MAP2: variants seen among roughly 807,000 people sequenced by gnomAD.
MAP2 encodes microtubule associated protein 2.
In MAP2, 14 loss-of-function variants were observed where a neutral mutation model predicts 137.6. That is an observed-to-expected ratio of 0.10 (90% CI 0.07 to 0.16). MAP2 has a LOEUF of 0.16. MAP2 is among the 10% of genes least tolerant of loss of function. The probability of loss-of-function intolerance (pLI) is 1.00; values close to 1 mark genes in which losing one functional copy is unlikely to be tolerated. For missense variants in MAP2, 2,088 were observed against 2,191.5 expected, an observed-to-expected ratio of 0.95 and a Z score of 0.94; for synonymous variants, 786 against 782.3, an observed-to-expected ratio of 1.00 and a Z score of -0.08.
chr2:209,704,770 C>A, intron 11 of MAP2: 1 of 619,584 alleles, frequency 1.6e-6, no homozygotes, highest in Non-Finnish European at 2.4e-6. Flanking sequence ...AAAACAAATA[C>A]AAATTTAAAA....
intron 2 of MAP2, among the ~76,000 whole-genome samples, chr2:209,536,767 A>G (rs769999599): frequency 5.0e-4 from 76 of 152,164 alleles, no homozygotes; most frequent in Non-Finnish European, 9.3e-4. Context: ...TTAAAATATG[A>G]TAGTATTTTT....
Position 209,733,597 on chromosome 2 carries a change from A to C in MAP2, c.*3200A>C, listed in dbSNP as rs1477664624. ...ATGTGGTTGATTTTGACATAGCTGC[A>C]ATTACAGTTTTCTTCTATTTTTCAA... On this transcript the variant is annotated 3_prime_UTR_variant, in exon 16 of 16. Transcript: ENST00000682079. 2 of 152,168 alleles carry C rather than the reference A, an allele frequency of 1.3e-5. No individual in the cohort carries two copies. The highest frequency in any genetic ancestry group is 2.9e-5 in the Non-Finnish European group (2 of 68,038). The allele number at this position is 152,168 out of a possible 1,614,324, so 9.4% of individuals were successfully genotyped here.
At chr2:209,621,257 A>ATTTTTTT (rs1186032597) in intron 3 of MAP2, among the ~76,000 whole-genome samples, 6 of 125,124 alleles carry the variant, frequency 4.8e-5, no homozygotes, top group African/African-American at 1.6e-4. Flanking sequence ...AGGCATCTTG[A>ATTTTTTT]TTTTTTTTTT....
chr2:209,509,770 G>C (rs1222816704), intron 2 of MAP2, among the ~76,000 whole-genome samples: 2 of 151,796 alleles, frequency 1.3e-5, no homozygotes, highest in African/African-American at 2.4e-5. Context: ...AACTAGTGTT[G>C]CCAGATAAAA....
chr2:209,512,626 G>A (rs1026076693), intron 2 of MAP2, among the ~76,000 whole-genome samples: 2 of 149,810 alleles, frequency 1.3e-5, no homozygotes, highest in Non-Finnish European at 3.0e-5. Context: ...TAAAATGTAT[G>A]ATATATATAA....
At chr2:209,718,365 A>G (rs2068644297) in intron 13 of MAP2, among the ~76,000 whole-genome samples, 1 of 152,162 alleles carries the variant, frequency 6.6e-6, no homozygotes, top group Non-Finnish European at 1.5e-5. Context: ...TATTCCTTAG[A>G]ATTTCTTAAA....
chr2:209,698,238 A>G (rs2153729728), intron 10 of MAP2, among the ~76,000 whole-genome samples: 1 of 152,314 alleles, frequency 6.6e-6, no homozygotes, highest in East Asian at 1.9e-4. Flanking sequence ...GTTGGAAACC[A>G]TCATAAAAAC....
At chr2:209,490,604 G>GAA (rs2058966518) in intron 1 of MAP2, among the ~76,000 whole-genome samples, 2 of 1,686 alleles carry the variant, frequency 1.2e-3, no homozygotes, top group African/African-American at 2.2e-3. Flanking sequence ...CAAATGGAAA[G>GAA]CAAAAAAAAA....
At chr2:209,484,288 A>T (rs988584388) in intron 1 of MAP2, among the ~76,000 whole-genome samples, 1 of 152,110 alleles carries the variant, frequency 6.6e-6, no homozygotes, top group Non-Finnish European at 1.5e-5. Context: ...AGTGGTTTAT[A>T]TTTTATTATC....
intron 3 of MAP2, among the ~76,000 whole-genome samples, chr2:209,614,043 C>G (rs1209877179): frequency 6.6e-6 from 1 of 152,118 alleles, no homozygotes; most frequent in Non-Finnish European, 1.5e-5. Context: ...CTACTAGGAG[C>G]TTTAGATGAA....
At chr2:209,726,700 G>A (rs1365476045) in intron 14 of MAP2, among the ~76,000 whole-genome samples, 1 of 152,150 alleles carries the variant, frequency 6.6e-6, no homozygotes, top group Non-Finnish European at 1.5e-5. Flanking sequence ...GGAGTTAGAG[G>A]CTGCAGCAAG....
chr2:209,564,824 A>C (rs2073050139), intron 2 of MAP2, among the ~76,000 whole-genome samples: 1 of 151,552 alleles, frequency 6.6e-6, no homozygotes, highest in Non-Finnish European at 1.5e-5. Context: ...TTCATTTCTG[A>C]GCTCCACTTC....
chr2:209,726,077 A>G lies in MAP2; in HGVS notation c.5155+287A>G, dbSNP rs145783886. 1.5e-3 allele frequency among the ~76,000 whole-genome samples: 224 copies of G among 152,338 alleles called. 1 individual carries two copies. The highest frequency in any genetic ancestry group is 2.4e-3 in the Non-Finnish European group (166 of 68,038). ...ACGCTTATTGGAGCTCCTTTGAAAT[A>G]CGTAGTCTATAAAATACATCAGATC... On this transcript the variant is annotated intron_variant, in intron 14 of 15. Coordinates refer to ENST00000682079, the MANE Select transcript of MAP2 (RefSeq NM_001375505.1).
intron 1 of MAP2, among the ~76,000 whole-genome samples, chr2:209,458,855 T>G (rs1702122540): frequency 6.6e-6 from 1 of 152,128 alleles, no homozygotes; most frequent in South Asian, 2.1e-4. Flanking sequence ...GTGTAAGTGC[T>G]CTAAGCTCTC....
rs371499921 is a variant in MAP2, at chr2:209,703,956, A to G, written c.4585-1624A>G. ...AGCATTATTTTTGTGTTTTATTTGT[A>G]TAACAGATTTTTTATTTTATTTTTA... On this transcript the variant is annotated intron_variant, in intron 11 of 15. Transcript: ENST00000682079. 1.5e-4 allele frequency: 70 copies of G among 455,534 alleles called. No homozygotes were observed. In the East Asian group the frequency reaches 1.7e-3, roughly 11 times the overall value. 28.2% of individuals were successfully genotyped at this position (455,534 alleles called of 1,614,324 possible). A position where few individuals can be genotyped will look rare whatever the true frequency, so the allele number is the denominator to read the frequency against.
intron 2 of MAP2, among the ~76,000 whole-genome samples, chr2:209,578,256 T>C (rs1265972489): frequency 6.6e-6 from 1 of 152,132 alleles, no homozygotes; most frequent in Admixed American, 6.5e-5. Flanking sequence ...AGGCAAGGGG[T>C]AGCAGAATTG....
intron 1 of MAP2, among the ~76,000 whole-genome samples, chr2:209,431,303 ACT>A (rs1694214505): frequency 1.3e-5 from 2 of 151,976 alleles, no homozygotes; most frequent in Admixed American, 6.6e-5. Flanking sequence ...TAATGGAATA[ACT>A]TTTTGTAGCC....
intron 1 of MAP2, among the ~76,000 whole-genome samples, chr2:209,452,267 T>C (rs1481207080): frequency 6.6e-6 from 1 of 152,162 alleles, no homozygotes; most frequent in African/African-American, 2.4e-5. Context: ...TATATGCAAA[T>C]ACTAAAGACC....
Position 209,616,181 on chromosome 2 carries a change from G to A in MAP2, c.-106-8872G>A, listed in dbSNP as rs1172878322. Among the ~76,000 whole-genome samples the A allele has an allele frequency of 3.3e-5, 5 of 149,980 alleles. No individual in the cohort carries two copies. In the East Asian group the frequency reaches 9.6e-4, roughly 29 times the overall value. On this transcript the variant is annotated intron_variant, in intron 3 of 15. Transcript: ENST00000682079. Reference sequence around the variant, plus strand: ...ACCAGCTATAACACAGCTATAACCAGCTTGTGGCCTTGGCACACACAAGCA... The same window carrying A: ...ACCAGCTATAACACAGCTATAACCAACTTGTGGCCTTGGCACACACAAGCA...
Sources: gnomAD v4.1 joint callset for allele counts (sites outside exome capture counted in the v4.1 genomes callset) on GRCh38, gnomAD v4.1.1 for gene constraint, MANE v1.5 for transcripts, NCBI Gene and HGNC (gene_info 2026-07-23, HGNC 2026-07-21) for gene names.